SLC2A3: variants seen among roughly 807,000 people sequenced by gnomAD.
The protein encoded by SLC2A3 is solute carrier family 2 member 3, also known as solute carrier family 2, facilitated glucose transporter member 3.
In SLC2A3, 21 loss-of-function variants were observed where a neutral mutation model predicts 46.4. That is an observed-to-expected ratio of 0.45 (90% CI 0.32 to 0.65). The LOEUF (loss-of-function observed/expected upper bound fraction) is 0.65, where lower values mean the gene tolerates loss of function less well. Among genes scored for constraint, SLC2A3 ranks in the 30% least tolerant of loss-of-function variants. The pLI, the probability that SLC2A3 is intolerant of heterozygous loss-of-function variation, is 0.04. For missense variants in SLC2A3, 499 were observed against 623.3 expected (o/e 0.80, Z 2.12); for synonymous variants, 213 against 239.4 (o/e 0.89, Z 1.02).
intron 6 of SLC2A3, 43 bp from the exon 7 acceptor site, chr12:7,925,991 A>AG (rs1946091320): frequency 6.7e-7 from 1 of 1,493,128 alleles, no homozygotes; most frequent in Non-Finnish European, 9.3e-7. Context: ...AATTCTGCAC[A>AG]CCAGTTACAC....
intron 9 of SLC2A3, 39 bp downstream of exon 9, chr12:7,922,782 T>C: frequency 6.2e-7 from 1 of 1,612,954 alleles, no homozygotes; most frequent in Non-Finnish European, 8.5e-7. Context: ...TCATGTCAGC[T>C]TACATAGGCT....
At chr12:7,930,849 A>C (rs1403917723) in intron 4 of SLC2A3, among the ~76,000 whole-genome samples, 1 of 123,642 alleles carries the variant, frequency 8.1e-6, no homozygotes, top group Non-Finnish European at 1.6e-5. Context: ...CAGGCTGGAG[A>C]TCAGTGGCAC....
At chr12:7,930,678 T>C (rs1946142671) in intron 4 of SLC2A3, 36 bp from the exon 5 acceptor site, 4 of 1,579,538 alleles carry the variant, frequency 2.5e-6, no homozygotes, top group Non-Finnish European at 3.4e-6. Flanking sequence ...ATAAACCCCA[T>C]ACTTCACAGG....
intron 5 of SLC2A3, 146 bp from the exon 6 acceptor site, chr12:7,930,017 C>T: frequency 1.4e-6 from 2 of 1,448,894 alleles, no homozygotes; most frequent in Non-Finnish European, 1.8e-6. Flanking sequence ...CAGAGTTTCA[C>T]TTTTGTTGCC....
intron 6 of SLC2A3, 145 bp downstream of exon 6, chr12:7,929,539 A>T: frequency 8.3e-7 from 1 of 1,211,562 alleles, no homozygotes; most frequent in Non-Finnish European, 1.1e-6. Flanking sequence ...ATTATAGCTC[A>T]CTGCAACCTG....
At position 7,929,612 on chromosome 12, in the gene SLC2A3, A is replaced by G. The variant is rs1463816935; in HGVS notation, c.861+72T>C. ...CCTGAGTAGCTGGGACTACAGAGGCACACCGCCACCATGCCCGGCATTTTA... is the reference window on the plus strand; with the variant it reads ...CCTGAGTAGCTGGGACTACAGAGGCGCACCGCCACCATGCCCGGCATTTTA... On this transcript the variant is annotated intron_variant, in intron 6 of 9. Transcript: ENST00000075120. The G allele has an allele frequency of 2.6e-6, 4 of 1,567,182 alleles. No individual in the cohort carries two copies. The East Asian group carries it at 9.1e-5, about 36-fold the overall frequency.
chr12:7,934,478 T>A (rs1449592716), intron 1 of SLC2A3, among the ~76,000 whole-genome samples: 1 of 150,962 alleles, frequency 6.6e-6, no homozygotes, highest in Non-Finnish European at 1.5e-5. Context: ...TAAATACAGT[T>A]CTGCTATCCC....
chr12:7,931,624 AT>A, intron 3 of SLC2A3, 139 bp from the exon 4 acceptor site: 1 of 1,313,758 alleles, frequency 7.6e-7, no homozygotes, highest in South Asian at 1.5e-5. Context: ...TTCACTTTCT[AT>A]TATCAGAACA....
intron 1 of SLC2A3, among the ~76,000 whole-genome samples, chr12:7,934,808 C>T (rs1946196357): frequency 6.6e-6 from 1 of 152,100 alleles, no homozygotes; most frequent in South Asian, 2.1e-4. Context: ...TTGCCTGCAG[C>T]CTCCCAGATG....
intron 4 of SLC2A3, among the ~76,000 whole-genome samples, 168 bp downstream of exon 4, chr12:7,931,077 T>A (rs1399709324): frequency 6.6e-6 from 1 of 152,130 alleles, no homozygotes; most frequent in Non-Finnish European, 1.5e-5. Context: ...ATTACAGGCG[T>A]GAGCCACAGC....
chr12:7,920,678 T>C lies in SLC2A3; in HGVS notation c.*735A>G, dbSNP rs1946027908. The C allele has an allele frequency of 6.6e-6, 1 of 152,456 alleles. No homozygotes were observed. Among genetic ancestry groups the C allele is most frequent in the Non-Finnish European group, 1.5e-5 (1 of 68,264 alleles). The allele number at this position is 152,456 out of a possible 1,614,324, so 9.4% of individuals were successfully genotyped here. The stretch of plus-strand genomic sequence containing the variant: ...CACCACATCATTTACCCTCCAATAA[T>C]GAACAACATTTCTCCCTAAATTCTT... On this transcript the variant is annotated 3_prime_UTR_variant, in exon 10 of 10. Transcript: ENST00000075120.
At chr12:7,934,553 A>G (rs1946193707) in intron 1 of SLC2A3, among the ~76,000 whole-genome samples, 1 of 152,120 alleles carries the variant, frequency 6.6e-6, no homozygotes, top group Admixed American at 6.6e-5. Context: ...AACCCAACAT[A>G]TAAGAGACAT....
chr12:7,930,280 C>G (rs1410390574), intron 5 of SLC2A3, 200 bp downstream of exon 5: 14 of 596,804 alleles, frequency 2.3e-5, no homozygotes, highest in Non-Finnish European at 3.7e-5. Context: ...CACACCCTGC[C>G]TGATAGCATC....
At chr12:7,925,192 G>C (rs894413614) in intron 7 of SLC2A3, among the ~76,000 whole-genome samples, 7 of 152,308 alleles carry the variant, frequency 4.6e-5, no homozygotes, top group Non-Finnish European at 8.8e-5. Flanking sequence ...GTATTTCTGT[G>C]CTTTAAAATA....
intron 6 of SLC2A3, chr12:7,929,378 A>C: frequency 6.2e-6 from 2 of 324,388 alleles, no homozygotes; most frequent in East Asian, 5.5e-5. Context: ...TTAAACTACC[A>C]TGCTCGCTAT....
At chr12:7,924,959 C>G (rs1379289568) in intron 7 of SLC2A3, among the ~76,000 whole-genome samples, 2 of 152,256 alleles carry the variant, frequency 1.3e-5, no homozygotes, top group Admixed American at 6.5e-5. Flanking sequence ...CAGGTCAGAA[C>G]AGTTGTCCAT....
intron 8 of SLC2A3, among the ~76,000 whole-genome samples, chr12:7,923,567 A>G (rs1946061684): frequency 6.6e-6 from 1 of 152,000 alleles, no homozygotes; most frequent in Non-Finnish European, 1.5e-5. Context: ...GTGAGCTGAG[A>G]TCCTGCCACT....
chr12:7,929,361 G>A, intron 6 of SLC2A3: 1 of 288,198 alleles, frequency 3.5e-6, no homozygotes, highest in East Asian at 6.4e-5. Flanking sequence ...CATCTATCAT[G>A]CCCTCTTTAA....
chr12:7,929,658 G>A lies in SLC2A3; in HGVS notation c.861+26C>T, dbSNP rs776162616. 33 of 1,611,960 alleles carry A rather than the reference G, an allele frequency of 2.0e-5. No individual in the cohort carries two copies. The Admixed American group carries it at 2.7e-4, about 13-fold the overall frequency. The stretch of plus-strand genomic sequence containing the variant: ...TTTTAAGTGAAATACTTTAAGACAC[G>A]TTTGACCCTAAAGTATCACACTCAC... On this transcript the variant is annotated intron_variant, in intron 6 of 9. Transcript: ENST00000075120.
Sources: gnomAD v4.1 joint callset for allele counts (sites outside exome capture counted in the v4.1 genomes callset) on GRCh38, gnomAD v4.1.1 for gene constraint, MANE v1.5 for transcripts, NCBI Gene and HGNC (gene_info 2026-07-23, HGNC 2026-07-21) for gene names.